TMEM256: variants seen among roughly 807,000 people sequenced by gnomAD.
The protein encoded by TMEM256 is transmembrane protein 256.
TMEM256 carries 14 observed loss-of-function variants against 14.8 expected under a neutral mutation model. That is an observed-to-expected ratio of 0.95 (90% confidence interval 0.63 to 1.48). The LOEUF is 1.48. Ranked by LOEUF, TMEM256 falls within the 40% of genes most tolerant of loss-of-function variation. The probability of loss-of-function intolerance (pLI) is 0.00; values close to 1 mark genes in which losing one functional copy is unlikely to be tolerated. For missense variants in TMEM256, 146 were observed against 137.9 expected, an observed-to-expected ratio of 1.06 and a Z score of -0.30; for synonymous variants, 68 against 60.7, an observed-to-expected ratio of 1.12 and a Z score of -0.56.
chr17:7,403,253 G>C (rs1237683296), intron 3 of TMEM256, 44 bp from the exon 4 acceptor site: 1 of 1,614,194 alleles, frequency 6.2e-7, no homozygotes, highest in Non-Finnish European at 8.5e-7. Flanking sequence ...TAAGAACAGG[G>C]CAGGCTGAGA....
chr17:7,403,760 A>T (rs1906446503), intron 1 of TMEM256, 71 bp from the exon 2 acceptor site: 2 of 1,546,222 alleles, frequency 1.3e-6, no homozygotes, highest in South Asian at 1.1e-5. Context: ...GGGGGGACCC[A>T]GGTGGACATT....
In TMEM256 at chr17:7,403,080, C is replaced by A. The variant is rs747347470; in HGVS notation, c.328G>T (p.Ala110Ser). The A allele has an allele frequency of 5.0e-6, 8 of 1,611,396 alleles. No homozygotes were observed. The highest frequency in any genetic ancestry group is 3.4e-4 in the Middle Eastern group (2 of 5,830). ...GGTLLLLGWL[A>S]LAL ...CAAAAGGGAGCTCAAAGAGCCAAGG[C>A]AAGCCAGCCCAAGAGTAGCAGGGTC... The change falls in exon 4 of 4, where the codon GCC (alanine) becomes TCC (serine). Residue 110 changes from alanine (A) to serine (S), a missense_variant. Transcript: ENST00000302422.
chr17:7,403,141 T>C lies in TMEM256; in HGVS notation c.267A>G (p.Gly89=). 6 of 1,614,166 alleles carry C rather than the reference T, an allele frequency of 3.7e-6. No homozygotes were observed. The highest frequency in any genetic ancestry group is 5.1e-6 in the Non-Finnish European group (6 of 1,180,034). ...GGGCCAAAGTCTGGATGCTGGGGTC[T>C]CCACTCAGAGCCTGGTAGTAAAAGC... is the stretch of plus-strand genomic sequence containing the variant. ...CTSFYYQALS[G]DPSIQTLAPA... is the part of the protein sequence containing the mutation. The change falls in exon 4 of 4, where the codon GGA becomes GGG. Residue 89 remains glycine, a synonymous_variant. Coordinates refer to ENST00000302422, the MANE Select transcript of TMEM256 (RefSeq NM_152766.5).
chr17:7,403,831 G>C (rs1174884302), intron 1 of TMEM256, 142 bp from the exon 2 acceptor site: 11 of 1,275,398 alleles, frequency 8.6e-6, no homozygotes, highest in Non-Finnish European at 1.2e-5. Flanking sequence ...GAACACGCTC[G>C]GGCAGTACTG....
chr17:7,403,374 T>C lies in TMEM256; in HGVS notation c.134A>G (p.Asn45Ser), dbSNP rs745346435. Reference protein sequence around the residue: ...AYGKELFDKANKHHFLHSLAL... With the variant: ...AYGKELFDKASKHHFLHSLAL... ...CAGGCTGTGTAAGAAGTGGTGTTTG[T>C]TGGCCTTGTCAAACAGCTGTAAGAA... The change falls in exon 3 of 4, where the codon AAC becomes AGC. Residue 45 changes from asparagine (N) to serine (S), a missense_variant. Coordinates refer to ENST00000302422, the MANE Select transcript of TMEM256 (RefSeq NM_152766.5). 15 of 1,614,204 alleles carry C rather than the reference T, an allele frequency of 9.3e-6. No homozygotes were observed. Among genetic ancestry groups the C allele is most frequent in the African/African-American group, 1.3e-5 (1 of 75,044 alleles).
In TMEM256 at chr17:7,403,296, C is replaced by G; in HGVS notation, c.198+14G>C. ...TGTGGGGCTTGGTCAGGGTTAGGCG[C>G]AGGGAAAGATTACCCAGAGTGGCTT... is the stretch of plus-strand genomic sequence containing the variant. On this transcript the variant is annotated intron_variant, in intron 3 of 3. Coordinates refer to ENST00000302422, the MANE Select transcript of TMEM256 (RefSeq NM_152766.5). 3 of 1,614,154 alleles carry G rather than the reference C, an allele frequency of 1.9e-6. No individual in the cohort carries two copies. The highest frequency in any genetic ancestry group is 2.5e-6 in the Non-Finnish European group (3 of 1,180,012).
rs1010904703 is a variant in TMEM256, at chr17:7,403,295, G to A, written c.198+15C>T. 1.9e-5 allele frequency: 31 copies of A among 1,614,062 alleles called. No individual in the cohort carries two copies. The highest frequency in any genetic ancestry group is 2.0e-5 in the Non-Finnish European group (24 of 1,180,004). On this transcript the variant is annotated intron_variant, in intron 3 of 3. Transcript: ENST00000302422. ...GTGTGGGGCTTGGTCAGGGTTAGGC[G>A]CAGGGAAAGATTACCCAGAGTGGCT... is the stretch of plus-strand genomic sequence containing the variant.
At chr17:7,403,790 C>CG in intron 1 of TMEM256, 101 bp from the exon 2 acceptor site, 1 of 1,034,970 alleles carries the variant, frequency 9.7e-7, no homozygotes, top group South Asian at 1.4e-5. Context: ...GGGCACCCCC[C>CG]CCCCCGCCCC....
chr17:7,403,486 C>T lies in TMEM256; in HGVS notation c.118-96G>A. On this transcript the variant is annotated intron_variant, in intron 2 of 3. Coordinates refer to ENST00000302422, the MANE Select transcript of TMEM256 (RefSeq NM_152766.5). ...GACCAAAGTTCCTTCCCCCACCCCA[C>T]CCTTGAAGTCCCAGCTTGATCCCAG... 2.0e-6 allele frequency: 3 copies of T among 1,485,966 alleles called. No homozygotes were observed. The Admixed American group carries it at 5.1e-5, about 25-fold the overall frequency. The allele number at this position is 1,485,966 out of a possible 1,614,324, so 92.0% of individuals were successfully genotyped here.
chr17:7,403,768 A>G (rs1906447095), intron 1 of TMEM256, 79 bp from the exon 2 acceptor site: 23 of 1,482,486 alleles, frequency 1.6e-5, no homozygotes, highest in Middle Eastern at 1.9e-4. Context: ...CCAGGTGGAC[A>G]TTGGCGAGAA....
chr17:7,404,040 G>C lies in TMEM256; in HGVS notation c.45C>G (p.Ser15=), dbSNP rs749206986. 9 of 1,602,240 alleles carry C rather than the reference G, an allele frequency of 5.6e-6. No individual in the cohort carries two copies. The highest frequency in any genetic ancestry group is 1.3e-5 in the African/African-American group (1 of 74,906). The change falls in exon 1 of 4, where the codon TCC becomes TCG. Residue 15 remains serine, a synonymous_variant. Coordinates refer to ENST00000302422, the MANE Select transcript of TMEM256 (RefSeq NM_152766.5). The stretch of plus-strand genomic sequence containing the variant: ...AAGCGAAGCCTAAGGCCGCAGCTCC[G>C]GACAAGGCGCCCAAGCGGCGGAAAG... ...AAAFRRLGAL[S]GAAALGFASY...
At position 7,403,018 on chromosome 17, in the gene TMEM256, T is replaced by TA; in HGVS notation, c.*47_*48insT. The TA allele has an allele frequency of 6.4e-7, 1 of 1,560,576 alleles. No homozygotes were observed. Among genetic ancestry groups the TA allele is most frequent in the Non-Finnish European group, 8.6e-7 (1 of 1,160,928 alleles). On this transcript the variant is annotated 3_prime_UTR_variant, in exon 4 of 4. Coordinates refer to ENST00000302422, the MANE Select transcript of TMEM256 (RefSeq NM_152766.5). Reference sequence around the variant, plus strand: ...TTAATCCTCTTCTTACTCCAACTCTTTAAAAAAAAAACTGCCCAGAAAACC... The same window carrying TA: ...TTAATCCTCTTCTTACTCCAACTCTTATAAAAAAAAAACTGCCCAGAAAACC...
At chr17:7,403,791 C>CCCT in intron 1 of TMEM256, 102 bp from the exon 2 acceptor site, 2 of 1,045,844 alleles carry the variant, frequency 1.9e-6, no homozygotes, top group Non-Finnish European at 2.6e-6. Context: ...GGCACCCCCC[C>CCCT]CCCCGCCCCA....
intron 2 of TMEM256, 49 bp from the exon 3 acceptor site, chr17:7,403,439 G>T: frequency 6.4e-7 from 1 of 1,574,096 alleles, no homozygotes; most frequent in Non-Finnish European, 8.7e-7. Context: ...TACAGGTACT[G>T]AGATCCCCTG....
intron 3 of TMEM256, 41 bp downstream of exon 3, chr17:7,403,269 T>A (rs1443507542): frequency 6.2e-7 from 1 of 1,613,114 alleles, no homozygotes; most frequent in Non-Finnish European, 8.5e-7. Context: ...TGAGAGGGAG[T>A]GTGTGGGGCT....
rs753699286 is a variant in TMEM256, at chr17:7,404,086, G to A, written c.-2C>T. 8.9e-6 allele frequency: 14 copies of A among 1,579,700 alleles called. No homozygotes were observed. Among genetic ancestry groups the A allele is most frequent in the Admixed American group, 1.8e-5 (1 of 55,228 alleles). On this transcript the variant is annotated 5_prime_UTR_variant, in exon 1 of 4. Coordinates refer to ENST00000302422, the MANE Select transcript of TMEM256 (RefSeq NM_152766.5). ...GAAAGCTGCAGCTGGCCCGGCCATA[G>A]CTGTAGAACAGGACGCACCGGACCA...
chr17:7,403,345 G>C lies in TMEM256; in HGVS notation c.163C>G (p.Leu55Val). 1 of 1,614,212 alleles carries C rather than the reference G, an allele frequency of 6.2e-7. No individual in the cohort carries two copies. The highest frequency in any genetic ancestry group is 1.1e-5 in the South Asian group (1 of 91,080). The change falls in exon 3 of 4, where the codon CTG becomes GTG. Residue 55 changes from leucine to valine, a missense_variant. Physicochemically the swap from Leu to Val is conservative, Grantham distance 32 (BLOSUM62 1). Transcript: ENST00000302422. ...NKHHFLHSLALLGVPHCRKPL... is the reference protein window; with the variant it reads ...NKHHFLHSLAVLGVPHCRKPL... ...TTTCTGCAATGGGGCACCCCTAACA[G>C]GGCCAGGCTGTGTAAGAAGTGGTGT...
chr17:7,403,260 G>T, intron 3 of TMEM256, 50 bp downstream of exon 3: 1 of 1,614,204 alleles, frequency 6.2e-7, no homozygotes, highest in Non-Finnish European at 8.5e-7. Flanking sequence ...AGGGCAGGCT[G>T]AGAGGGAGTG....
In TMEM256 at chr17:7,403,109, C is replaced by T; in HGVS notation, c.299G>A (p.Gly100Glu). 27 of 1,614,148 alleles carry T rather than the reference C, an allele frequency of 1.7e-5. No homozygotes were observed. Among genetic ancestry groups the T allele is most frequent in the Non-Finnish European group, 2.2e-5 (26 of 1,180,026 alleles). ...CCAGCCCAAGAGTAGCAGGGTCCCT[C>T]CCGCAGGGGCCAAAGTCTGGATGCT... ...DPSIQTLAPA[G>E]GTLLLLGWLA... Residue 100 changes from glycine (G) to glutamate (E), a missense_variant, in exon 4 of 4, where the codon GGA becomes GAA. Gly to Glu is a moderately conservative substitution (Grantham distance 98). Transcript: ENST00000302422.
Sources: gnomAD v4.1 joint callset for allele counts on GRCh38, gnomAD v4.1.1 for gene constraint, MANE v1.5 for transcripts, NCBI Gene and HGNC (gene_info 2026-07-23, HGNC 2026-07-21) for gene names.